The following TMPRSS11F variants were observed in gnomAD, a reference collection of about 807,000 sequenced individuals.
TMPRSS11F encodes transmembrane protease serine 11F.
A neutral mutation model predicts 60.2 loss-of-function variants in TMPRSS11F; 47 were observed. The observed-to-expected ratio is 0.78, with a 90% CI of 0.62 to 1.00. The LOEUF is 1.00. Ranked by LOEUF, TMPRSS11F falls within the 50% of genes least tolerant of loss-of-function variation. The pLI, the probability that TMPRSS11F is intolerant of heterozygous loss-of-function variation, is 0.00. For synonymous variants in TMPRSS11F, 166 were observed against 167.3 expected (o/e 0.99, Z 0.06); for missense variants, 519 against 522.9 (o/e 0.99, Z 0.07).
At position 68,090,651 on chromosome 4, in the gene TMPRSS11F, A is replaced by G. The variant is rs1175074389; in HGVS notation, c.164-10T>C. ...TAGAAAGACTTATCATCTGAAAGGT[A>G]AAACAAACAAAAGTCTCATGGTTAA... On this transcript the variant is annotated splice_polypyrimidine_tract_variant and intron_variant, in intron 2 of 9. Coordinates refer to ENST00000356291, the MANE Select transcript of TMPRSS11F (RefSeq NM_207407.2). 6.3e-7 allele frequency: 1 copy of G among 1,586,452 alleles called. No individual in the cohort carries two copies. The highest frequency in any genetic ancestry group is 1.1e-5 in the South Asian group (1 of 88,726).
chr4:68,076,707 A>C (rs1723590885), intron 3 of TMPRSS11F, among the ~76,000 whole-genome samples: 1 of 152,192 alleles, frequency 6.6e-6, no homozygotes, highest in African/African-American at 2.4e-5. Context: ...CCATGGGAAA[A>C]GAAAAAAGGT....
chr4:68,087,247 A>G (rs1723832255), intron 3 of TMPRSS11F, among the ~76,000 whole-genome samples: 1 of 152,158 alleles, frequency 6.6e-6, no homozygotes, highest in Admixed American at 6.5e-5. Context: ...CACCATATGA[A>G]CAGAATTAAA....
intron 1 of TMPRSS11F, among the ~76,000 whole-genome samples, chr4:68,108,283 A>C (rs1176254119): frequency 6.6e-6 from 1 of 152,222 alleles, no homozygotes; most frequent in East Asian, 1.9e-4. Flanking sequence ...GAAAAATGAT[A>C]ATCCAGTGGA....
intron 3 of TMPRSS11F, among the ~76,000 whole-genome samples, chr4:68,076,165 C>G (rs1330708673): frequency 2.0e-5 from 3 of 152,110 alleles, no homozygotes; most frequent in Non-Finnish European, 4.4e-5. Flanking sequence ...GAGACATCAC[C>G]TTTCCACCCA....
chr4:68,120,966 C>G (rs1724614930), intron 1 of TMPRSS11F, among the ~76,000 whole-genome samples: 1 of 152,148 alleles, frequency 6.6e-6, no homozygotes, highest in African/African-American at 2.4e-5. Context: ...GTAAACATAA[C>G]TTTTACATGC....
At position 68,069,208 on chromosome 4, in the gene TMPRSS11F, G is replaced by C. The variant is rs143596355; in HGVS notation, c.554-389C>G. Among the ~76,000 whole-genome samples the C allele has an allele frequency of 4.1e-3, 629 of 152,150 alleles. 5 individuals carry two copies. Among genetic ancestry groups the C allele is most frequent in the Admixed American group, 4.6e-3 (71 of 15,272 alleles). On this transcript the variant is annotated intron_variant, in intron 6 of 9. Transcript: ENST00000356291. ...CACCCAGCTGGTAAGTGACAGAGTGGGATACAAAATTAGGAGGATCCACAC... is the reference window on the plus strand; with the variant it reads ...CACCCAGCTGGTAAGTGACAGAGTGCGATACAAAATTAGGAGGATCCACAC...
intron 1 of TMPRSS11F, among the ~76,000 whole-genome samples, chr4:68,106,947 A>G (rs1415157776): frequency 2.0e-5 from 3 of 152,192 alleles, no homozygotes; most frequent in African/African-American, 7.2e-5. Context: ...GACTTTCAAA[A>G]TCACTATTAC....
At chr4:68,082,393 C>T (rs757143124) in intron 3 of TMPRSS11F, among the ~76,000 whole-genome samples, 2 of 152,222 alleles carry the variant, frequency 1.3e-5, no homozygotes, top group African/African-American at 2.4e-5. Flanking sequence ...GGAACCCATC[C>T]TCCAAGGCTC....
chr4:68,117,895 A>T (rs912930352), intron 1 of TMPRSS11F, among the ~76,000 whole-genome samples: 3 of 152,196 alleles, frequency 2.0e-5, no homozygotes, highest in Non-Finnish European at 4.4e-5. Context: ...CTGGCCAGTG[A>T]TATGTGAGAG....
At chr4:68,080,580 C>G (rs1417880229) in intron 3 of TMPRSS11F, 1 of 152,186 alleles carries the variant, frequency 6.6e-6, no homozygotes, top group Non-Finnish European at 1.5e-5. Context: ...GACAAACAAC[C>G]CAACCCTCTA....
chr4:68,096,916 T>C (rs1361165718), intron 2 of TMPRSS11F, among the ~76,000 whole-genome samples: 1 of 152,200 alleles, frequency 6.6e-6, no homozygotes, highest in African/African-American at 2.4e-5. Context: ...TGTCCTCTGT[T>C]GTTTCCCTGG....
intron 1 of TMPRSS11F, among the ~76,000 whole-genome samples, chr4:68,100,527 T>C (rs866943996): frequency 5.9e-5 from 9 of 152,098 alleles, no homozygotes; most frequent in African/African-American, 1.2e-4. Flanking sequence ...TTGAACTTTG[T>C]TGAATGATTG....
At chr4:68,071,304 T>C (rs1348539576) in intron 5 of TMPRSS11F, among the ~76,000 whole-genome samples, 2 of 152,226 alleles carry the variant, frequency 1.3e-5, no homozygotes, top group African/African-American at 4.8e-5. Flanking sequence ...TCAAAATATA[T>C]TTAAAGAACT....
chr4:68,126,700 G>C (rs369375492), intron 1 of TMPRSS11F, among the ~76,000 whole-genome samples: 2 of 152,338 alleles, frequency 1.3e-5, no homozygotes, highest in East Asian at 3.9e-4. Flanking sequence ...GCAATAAAGG[G>C]AGGGAGCTCT....
intron 2 of TMPRSS11F, among the ~76,000 whole-genome samples, chr4:68,096,131 C>A (rs77411405): frequency 0.29 from 34,154 of 117,148 alleles, 4,599 homozygotes; most frequent in Non-Finnish European, 0.41. Context: ...AAAAAAAAAA[C>A]CAGACTAAAG....
chr4:68,110,147 G>A (rs1164810182), intron 1 of TMPRSS11F, among the ~76,000 whole-genome samples: 1 of 152,118 alleles, frequency 6.6e-6, no homozygotes, highest in Admixed American at 6.5e-5. Context: ...CTTCATTTCT[G>A]GGAATACTTG....
At chr4:68,060,260 T>A (rs1723132992) in intron 8 of TMPRSS11F, among the ~76,000 whole-genome samples, 1 of 150,856 alleles carries the variant, frequency 6.6e-6, no homozygotes, top group South Asian at 2.1e-4. Flanking sequence ...GTAATCCCAG[T>A]ACTTTGGGAA....
At chr4:68,070,731 T>A (rs1723442094) in intron 5 of TMPRSS11F, among the ~76,000 whole-genome samples, 1 of 152,208 alleles carries the variant, frequency 6.6e-6, no homozygotes. Flanking sequence ...TCAGCTACAT[T>A]AGATGTTTGT....
chr4:68,060,732 C>T (rs1452144855), intron 8 of TMPRSS11F, among the ~76,000 whole-genome samples: 1 of 151,464 alleles, frequency 6.6e-6, no homozygotes. Context: ...AACCTCATGT[C>T]ATCCAATATA....
Sources: allele counts gnomAD v4.1 joint callset (sites outside exome capture counted in the v4.1 genomes callset), GRCh38; gene constraint gnomAD v4.1.1; transcripts MANE v1.5; gene names NCBI Gene and HGNC (gene_info 2026-07-23, HGNC 2026-07-21).